ACACA: variants seen among roughly 807,000 people sequenced by gnomAD.
The protein encoded by ACACA is acetyl-CoA carboxylase 1.
In ACACA, 103 loss-of-function variants were observed where a neutral mutation model predicts 296.1. The ratio of observed to expected loss-of-function variants is 0.35; its 90% CI spans 0.30 to 0.41. The LOEUF is 0.41. Ranked by LOEUF, ACACA falls within the 10% of genes least tolerant of loss-of-function variation. The probability of loss-of-function intolerance (pLI) is 1.00; values close to 1 mark genes in which losing one functional copy is unlikely to be tolerated. For missense variants in ACACA, 1,554 were observed against 2,989.7 expected, an observed-to-expected ratio of 0.52 and a Z score of 11.20; for synonymous variants, 953 against 1,038.6, an observed-to-expected ratio of 0.92 and a Z score of 1.58.
chr17:37,159,839 G>A (rs2076393961), intron 42 of ACACA, among the ~76,000 whole-genome samples: 1 of 152,216 alleles, frequency 6.6e-6, no homozygotes, highest in South Asian at 2.1e-4. Flanking sequence ...AAAGGAAACT[G>A]AGAAAGAGGA....
chr17:37,179,430 T>G, intron 40 of ACACA, 24 bp from the exon 41 acceptor site: 1 of 1,612,980 alleles, frequency 6.2e-7, no homozygotes, highest in South Asian at 1.1e-5. Flanking sequence ...GAAGTTTGAC[T>G]AATCAGTCAC....
Position 37,192,198 on chromosome 17 carries a change from G to C in ACACA, c.4308C>G (p.His1436Gln). Residue 1436 changes from histidine to glutamine, a missense_variant, in exon 37 of 56, where the codon CAC (histidine) becomes CAG (glutamine). Around this residue, in one of 16 missense-constraint regions of ACACA, gnomAD observed 179 missense variants for 283.2 expected, o/e 0.63. Coordinates refer to ENST00000616317, the MANE Select transcript of ACACA (RefSeq NM_198834.3). Reference protein sequence around the residue: ...FDLTAIPCANHKMHLYLGAAK... With the variant: ...FDLTAIPCANQKMHLYLGAAK... The stretch of plus-strand genomic sequence containing the variant: ...CTGCCCCGAGATACAGGTGCATCTT[G>C]TGATTAGCACATGGAATGGCAGTGA... The C allele has an allele frequency of 6.2e-7, 1 of 1,614,042 alleles. No individual in the cohort carries two copies. Among genetic ancestry groups the C allele is most frequent in the South Asian group, 1.1e-5 (1 of 91,046 alleles).
chr17:37,159,635 A>G (rs986483546), intron 42 of ACACA, among the ~76,000 whole-genome samples: 2 of 152,234 alleles, frequency 1.3e-5, no homozygotes, highest in Non-Finnish European at 2.9e-5. Flanking sequence ...ATCAATTCCC[A>G]TACTTTAATA....
chr17:37,392,002 G>T, intron 1 of ACACA: 1 of 444,872 alleles, frequency 2.2e-6, no homozygotes, highest in Non-Finnish European at 4.1e-6. Flanking sequence ...CAAGCACTAT[G>T]AATGGACCTT....
intron 1 of ACACA, chr17:37,377,851 C>T: frequency 2.7e-6 from 4 of 1,479,428 alleles, no homozygotes; most frequent in South Asian, 2.3e-5. Context: ...TTCCCCGGTT[C>T]CCCTCCTCCC....
At chr17:37,281,518 A>G (rs1275184085) in intron 5 of ACACA, among the ~76,000 whole-genome samples, 2 of 152,194 alleles carry the variant, frequency 1.3e-5, no homozygotes, top group Admixed American at 1.3e-4. Context: ...GTCAATCTCC[A>G]TGTTAAGTGA....
intron 3 of ACACA, among the ~76,000 whole-genome samples, chr17:37,313,306 GAA>G (rs900892413): frequency 7.1e-6 from 1 of 141,102 alleles, no homozygotes. Flanking sequence ...AAGTTGAAGG[GAA>G]AAAAAAAAAG....
chr17:37,112,987 A>G (rs933767317), intron 51 of ACACA, 101 bp downstream of exon 51: 2 of 1,388,138 alleles, frequency 1.4e-6, no homozygotes, highest in African/African-American at 1.4e-5. Context: ...GAATCACAGG[A>G]TGTGGGTGCT....
Position 37,330,252 on chromosome 17 carries a change from A to G in ACACA, c.259T>C (p.Ser87Pro). The change falls in exon 3 of 56, where the codon TCA becomes CCA. Residue 87 changes from serine to proline, a missense_variant. Ser to Pro is a moderately conservative substitution (Grantham distance 74). Around this residue, in one of 16 missense-constraint regions of ACACA, gnomAD observed 140 missense variants for 147.7 expected, o/e 0.95. Coordinates refer to ENST00000616317, the MANE Select transcript of ACACA (RefSeq NM_198834.3). ...DLLEEKEGSL[S>P]PASVGSDTLS... Reference sequence around the variant, plus strand: ...GTATCTGAGCCAACAGAAGCAGGTGACAAGGAGCCCTCCTTCTCCTCCAGT... The same window carrying G: ...GTATCTGAGCCAACAGAAGCAGGTGGCAAGGAGCCCTCCTTCTCCTCCAGT... 6.2e-7 allele frequency: 1 copy of G among 1,614,206 alleles called. No homozygotes were observed. Among genetic ancestry groups the G allele is most frequent in the Non-Finnish European group, 8.5e-7 (1 of 1,180,034 alleles).
chr17:37,172,799 T>C (rs1374220611), intron 41 of ACACA, among the ~76,000 whole-genome samples: 2 of 152,326 alleles, frequency 1.3e-5, no homozygotes, highest in Middle Eastern at 3.4e-3. Flanking sequence ...AAAGCACTTA[T>C]AAACATTCTC....
intron 3 of ACACA, among the ~76,000 whole-genome samples, chr17:37,306,300 C>T (rs555703092): frequency 1.4e-3 from 212 of 152,230 alleles, no homozygotes; most frequent in African/African-American, 4.5e-3. Flanking sequence ...TCAAGTTTGT[C>T]AATCTTCATA....
At chr17:37,140,024 C>A (rs1367955270) in intron 45 of ACACA, among the ~76,000 whole-genome samples, 2 of 152,082 alleles carry the variant, frequency 1.3e-5, no homozygotes, top group African/African-American at 4.8e-5. Flanking sequence ...CAGACTTTAG[C>A]CAAATATAAA....
rs34671149 is a variant in ACACA at position 37,304,789 on chromosome 17, C to CAA, written c.339-19821_339-19820dup. Among the ~76,000 whole-genome samples the CAA allele has an allele frequency of 3.1e-3, 423 of 135,016 alleles. 3 individuals are homozygous for CAA. Among genetic ancestry groups the CAA allele is most frequent in the African/African-American group, 7.6e-3 (283 of 37,284 alleles). 88.6% of individuals were successfully genotyped at this position (135,016 alleles called of 152,430 possible). On this transcript the variant is annotated intron_variant, in intron 3 of 55. Transcript: ENST00000616317. ...GGGCAACAAGAGCGAAACTCTGTCT[C>CAA]AAAAAAAAAAAAAATAGTATTTAAG... is the stretch of plus-strand genomic sequence containing the variant.
chr17:37,154,831 GATTAT>G (rs1433715650), intron 43 of ACACA, among the ~76,000 whole-genome samples: 1 of 152,154 alleles, frequency 6.6e-6, no homozygotes, highest in African/African-American at 2.4e-5. Context: ...CTTGCAGATA[GATTAT>G]ATAAAAACAT....
chr17:37,295,625 C>G (rs1370222858), intron 3 of ACACA, among the ~76,000 whole-genome samples: 4 of 151,976 alleles, frequency 2.6e-5, no homozygotes, highest in African/African-American at 9.7e-5. Context: ...GTTGTCTCTA[C>G]TAAAAATACA....
chr17:37,297,328 C>T (rs2083390214), intron 3 of ACACA, among the ~76,000 whole-genome samples: 1 of 150,720 alleles, frequency 6.6e-6, no homozygotes, highest in Admixed American at 6.6e-5. Flanking sequence ...GTAATCCCAG[C>T]TACTCGGGAG....
In ACACA at chr17:37,253,559, T is replaced by C. The variant is rs190167383; in HGVS notation, c.1827-523A>G. Among the ~76,000 whole-genome samples the C allele has an allele frequency of 9.0e-4, 137 of 152,262 alleles. No homozygotes were observed. The Middle Eastern group carries it at 0.01, about 11-fold the overall frequency. On this transcript the variant is annotated intron_variant, in intron 14 of 55. Coordinates refer to ENST00000616317, the MANE Select transcript of ACACA (RefSeq NM_198834.3). Reference sequence around the variant, plus strand: ...AATTTGCAAAAAGTCAGAAAACGTATGAATTCTAACTGATATTACCATAAG... The same window carrying C: ...AATTTGCAAAAAGTCAGAAAACGTACGAATTCTAACTGATATTACCATAAG...
chr17:37,391,831 A>C lies in ACACA; in HGVS notation c.38+14431T>G. Reference sequence around the variant, plus strand: ...CACTTGTATCTTCAGCAGGGACATTACAATCAAACACCAATTCCTGGTTAA... The same window carrying C: ...CACTTGTATCTTCAGCAGGGACATTCCAATCAAACACCAATTCCTGGTTAA... On this transcript the variant is annotated intron_variant, in intron 1 of 55. Transcript: ENST00000616317. 7 of 984,040 alleles carry C rather than the reference A, an allele frequency of 7.1e-6. No individual in the cohort carries two copies. The East Asian group carries it at 1.7e-4, about 24-fold the overall frequency. The allele number at this position is 984,040 out of a possible 1,614,324, so 61.0% of individuals were successfully genotyped here.
At chr17:37,290,680 T>C (rs2083005873) in intron 3 of ACACA, among the ~76,000 whole-genome samples, 1 of 152,184 alleles carries the variant, frequency 6.6e-6, no homozygotes, top group Non-Finnish European at 1.5e-5. Context: ...CAGTTAATTA[T>C]TCACTGTATA....
Sources: allele counts gnomAD v4.1 joint callset (sites outside exome capture counted in the v4.1 genomes callset), GRCh38; gene constraint gnomAD v4.1.1; regional missense constraint gnomAD v4.1.1; transcripts MANE v1.5; gene names NCBI Gene and HGNC (gene_info 2026-07-23, HGNC 2026-07-21).